KLHL1: variants seen among roughly 807,000 people sequenced by gnomAD.
The protein encoded by KLHL1 is kelch like family member 1.
In KLHL1, 47 loss-of-function variants were observed where a neutral mutation model predicts 77.7. The observed-to-expected ratio is 0.60, with a 90% confidence interval of 0.48 to 0.77. The LOEUF is 0.77. Ranked by LOEUF, KLHL1 falls within the 30% of genes least tolerant of loss-of-function variation. The pLI, the probability that KLHL1 is intolerant of heterozygous loss-of-function variation, is 0.00. For missense variants in KLHL1, 925 were observed against 910.8 expected, an observed-to-expected ratio of 1.02 and a Z score of -0.20; for synonymous variants, 360 against 325.2, an observed-to-expected ratio of 1.11 and a Z score of -1.15.
At chr13:69,888,125 T>C (rs991953414) in intron 4 of KLHL1, among the ~76,000 whole-genome samples, 1 of 152,136 alleles carries the variant, frequency 6.6e-6, no homozygotes, top group Non-Finnish European at 1.5e-5. Flanking sequence ...AGACAGCATT[T>C]TCTTGCTGCA....
chr13:69,946,491 G>A (rs1452624767), intron 3 of KLHL1, among the ~76,000 whole-genome samples: 1 of 147,514 alleles, frequency 6.8e-6, no homozygotes, highest in Non-Finnish European at 1.5e-5. Flanking sequence ...ATTGAGGATT[G>A]TGATTTTTTT....
chr13:70,057,469 CAAA>C (rs56235725), intron 1 of KLHL1, among the ~76,000 whole-genome samples: 15,989 of 87,302 alleles, frequency 0.18, 999 homozygotes, highest in African/African-American at 0.25. Flanking sequence ...AAAGACACAT[CAAA>C]AAAAAAAAAA....
At chr13:70,015,672 G>A (rs1365678856) in intron 1 of KLHL1, among the ~76,000 whole-genome samples, 1 of 152,164 alleles carries the variant, frequency 6.6e-6, no homozygotes, top group Non-Finnish European at 1.5e-5. Context: ...CCCAACTGTA[G>A]GGTGATGTAA....
intron 5 of KLHL1, among the ~76,000 whole-genome samples, chr13:69,861,365 C>T (rs567853958): frequency 3.2e-4 from 49 of 152,060 alleles, no homozygotes; most frequent in Non-Finnish European, 6.3e-4. Context: ...GAACATTTTG[C>T]TAGTATTTCA....
chr13:69,847,793 T>A (rs1307884307), intron 5 of KLHL1, among the ~76,000 whole-genome samples: 1 of 151,510 alleles, frequency 6.6e-6, no homozygotes, highest in Non-Finnish European at 1.5e-5. Flanking sequence ...CTATTAGAAG[T>A]GACAGTCCTT....
At chr13:69,987,155 A>T (rs187967116) in intron 1 of KLHL1, among the ~76,000 whole-genome samples, 61 of 152,130 alleles carry the variant, frequency 4.0e-4, no homozygotes, top group African/African-American at 1.3e-3. Context: ...GCTCTACTCA[A>T]GTTCACCATT....
chr13:69,907,897 G>A (rs1270688399), intron 4 of KLHL1, among the ~76,000 whole-genome samples: 2 of 152,136 alleles, frequency 1.3e-5, no homozygotes, highest in African/African-American at 4.8e-5. Flanking sequence ...TTCATACATG[G>A]AAGTTACTTG....
rs1259849825 is a variant in KLHL1, at chr13:70,053,281, T to A, written c.497+53922A>T. On this transcript the variant is annotated intron_variant, in intron 1 of 10. Coordinates refer to ENST00000377844, the MANE Select transcript of KLHL1 (RefSeq NM_020866.3). The stretch of plus-strand genomic sequence containing the variant: ...AGGAAATATAACAGATTTGAGGGAA[T>A]CTTAAATGGTAAATGAGTAATATAA... Among the ~76,000 whole-genome samples the A allele has an allele frequency of 3.9e-5, 6 of 152,094 alleles. No individual in the cohort carries two copies. The East Asian group carries it at 1.2e-3, about 29-fold the overall frequency.
At chr13:69,918,122 ATAACC>A (rs1342147206) in intron 4 of KLHL1, among the ~76,000 whole-genome samples, 2 of 152,098 alleles carry the variant, frequency 1.3e-5, no homozygotes, top group African/African-American at 4.8e-5. Flanking sequence ...TTTATTTTTG[ATAACC>A]TAATAGGACA....
chr13:69,832,193 G>A (rs1878790010), intron 6 of KLHL1, among the ~76,000 whole-genome samples: 2 of 149,718 alleles, frequency 1.3e-5, no homozygotes, highest in Non-Finnish European at 3.0e-5. Flanking sequence ...TGTATACCTA[G>A]AATACTCTAT....
chr13:69,919,051 T>C (rs1347040425), intron 4 of KLHL1, among the ~76,000 whole-genome samples: 1 of 152,184 alleles, frequency 6.6e-6, no homozygotes. Context: ...ATCTGAAAGA[T>C]GAACTTTGAA....
At chr13:69,979,751 A>G (rs1884654892) in intron 1 of KLHL1, among the ~76,000 whole-genome samples, 1 of 152,346 alleles carries the variant, frequency 6.6e-6, no homozygotes, top group East Asian at 1.9e-4. Flanking sequence ...CAATTTTAAA[A>G]GTACAATATG....
At chr13:69,811,698 T>G (rs1169965146) in intron 6 of KLHL1, among the ~76,000 whole-genome samples, 1 of 152,144 alleles carries the variant, frequency 6.6e-6, no homozygotes, top group Non-Finnish European at 1.5e-5. Context: ...CTCTCTTCAC[T>G]GATTATATGA....
In KLHL1 at chr13:69,773,301, G is replaced by T. The variant is rs374231957; in HGVS notation, c.1639+23437C>A. 1.3e-4 allele frequency among the ~76,000 whole-genome samples: 20 copies of T among 151,962 alleles called. No homozygotes were observed. In the East Asian group the frequency reaches 3.7e-3, roughly 28 times the overall value. On this transcript the variant is annotated intron_variant, in intron 7 of 10. Transcript: ENST00000377844. ...CCATGTGTAATGACATTTACTATTG[G>T]CTCTTATTTGCATATGAAAATTGAT...
intron 4 of KLHL1, among the ~76,000 whole-genome samples, chr13:69,882,764 T>G (rs1451820487): frequency 6.6e-6 from 1 of 152,198 alleles, no homozygotes; most frequent in Non-Finnish European, 1.5e-5. Context: ...ACTAAGTGAT[T>G]AAATGTTCAA....
intron 1 of KLHL1, among the ~76,000 whole-genome samples, chr13:70,012,983 T>C (rs1339493807): frequency 6.6e-6 from 1 of 152,092 alleles, no homozygotes; most frequent in Non-Finnish European, 1.5e-5. Flanking sequence ...TTATCACTTG[T>C]CGTTTAATTT....
chr13:69,786,104 C>G (rs1193947182), intron 7 of KLHL1, among the ~76,000 whole-genome samples: 2 of 152,174 alleles, frequency 1.3e-5, no homozygotes, highest in African/African-American at 4.8e-5. Flanking sequence ...ACCATTCCTT[C>G]TGAAACTATT....
At chr13:69,872,415 C>A (rs1251285135) in intron 5 of KLHL1, among the ~76,000 whole-genome samples, 1 of 152,166 alleles carries the variant, frequency 6.6e-6, no homozygotes, top group South Asian at 2.1e-4. Context: ...CAGATCCCAG[C>A]AACTTATAGA....
At chr13:69,993,013 T>C (rs936990265) in intron 1 of KLHL1, among the ~76,000 whole-genome samples, 2 of 152,002 alleles carry the variant, frequency 1.3e-5, no homozygotes, top group African/African-American at 4.8e-5. Flanking sequence ...CAGATAAAAA[T>C]TAAACTGCCA....
Sources: allele counts gnomAD v4.1 joint callset (sites outside exome capture counted in the v4.1 genomes callset), GRCh38; gene constraint gnomAD v4.1.1; transcripts MANE v1.5; gene names NCBI Gene and HGNC (gene_info 2026-07-23, HGNC 2026-07-21).